Variants in GAREM1 observed in about 807,000 individuals in gnomAD.
GAREM1 encodes GRB2-associated and regulator of MAPK protein 1.
A neutral mutation model predicts 71.3 loss-of-function variants in GAREM1; 26 were observed. The ratio of observed to expected loss-of-function variants is 0.36; its 90% CI spans 0.27 to 0.51. GAREM1 has a LOEUF of 0.51. Among genes scored for constraint, GAREM1 ranks in the 20% least tolerant of loss-of-function variants. GAREM1 has a pLI of 0.95. For missense variants in GAREM1, 1,026 were observed against 1,103.1 expected (o/e 0.93, Z 0.99); for synonymous variants, 440 against 433.2 (o/e 1.02, Z -0.20).
chr18:32,366,237 C>T (rs147718498), intron 2 of GAREM1, among the ~76,000 whole-genome samples: 1 of 152,238 alleles, frequency 6.6e-6, no homozygotes, highest in African/African-American at 2.4e-5. Context: ...CTAAACAGTC[C>T]CATAGCACCT....
At chr18:32,385,207 T>G (rs1241430295) in intron 2 of GAREM1, among the ~76,000 whole-genome samples, 1 of 152,080 alleles carries the variant, frequency 6.6e-6, no homozygotes, top group Admixed American at 6.5e-5. Flanking sequence ...AAAATTTTTA[T>G]ATTTACTTTG....
At chr18:32,296,240 C>T (rs1454329409) in intron 3 of GAREM1, among the ~76,000 whole-genome samples, 4 of 152,132 alleles carry the variant, frequency 2.6e-5, no homozygotes, top group Non-Finnish European at 4.4e-5. Flanking sequence ...GGATTACAGG[C>T]GTGAGCCACC....
At chr18:32,358,537 T>C (rs2047828760) in intron 2 of GAREM1, among the ~76,000 whole-genome samples, 1 of 152,184 alleles carries the variant, frequency 6.6e-6, no homozygotes, top group African/African-American at 2.4e-5. Flanking sequence ...TATTCTTTCC[T>C]GTGAAAACCA....
intron 1 of GAREM1, among the ~76,000 whole-genome samples, chr18:32,400,975 C>T (rs1445243166): frequency 1.3e-5 from 2 of 152,068 alleles, no homozygotes; most frequent in African/African-American, 2.4e-5. Context: ...ACATATACAC[C>T]ATGGAATACT....
At position 32,402,629 on chromosome 18, in the gene GAREM1, CCT is replaced by C. The variant is rs879627741; in HGVS notation, c.122-9596_122-9595del. Among the ~76,000 whole-genome samples the C allele has an allele frequency of 3.9e-5, 6 of 152,186 alleles. No homozygotes were observed. The East Asian group carries it at 7.8e-4, about 20-fold the overall frequency. Reference sequence around the variant, plus strand: ...GAGGCTCCACCCTTAGCCTGTTCCCCCTGTCTCCTCTACAATCTTATATATTT... The same window carrying C: ...GAGGCTCCACCCTTAGCCTGTTCCCCGTCTCCTCTACAATCTTATATATTT... On this transcript the variant is annotated intron_variant, in intron 1 of 5. Coordinates refer to ENST00000269209, the MANE Select transcript of GAREM1 (RefSeq NM_001242409.2).
intron 2 of GAREM1, among the ~76,000 whole-genome samples, chr18:32,373,010 T>C (rs1044618711): frequency 6.6e-6 from 1 of 152,230 alleles, no homozygotes; most frequent in East Asian, 1.9e-4. Context: ...GAAGTTATCC[T>C]GGCAGACATC....
At chr18:32,460,929 GC>G (rs1442985987) in intron 1 of GAREM1, among the ~76,000 whole-genome samples, 1 of 152,070 alleles carries the variant, frequency 6.6e-6, no homozygotes, top group Non-Finnish European at 1.5e-5. Context: ...AAAAGAACTA[GC>G]AAAAAGGTGA....
rs541091716 is a variant in GAREM1, at chr18:32,335,590, T to G, written c.263-25267A>C. On this transcript the variant is annotated intron_variant, in intron 2 of 5. Coordinates refer to ENST00000269209, the MANE Select transcript of GAREM1 (RefSeq NM_001242409.2). ...AGAGCAATGCAATTACTATGTTCAA[T>G]TACCTCAGGACTCCTTCAATACCCA... 4.1e-4 allele frequency among the ~76,000 whole-genome samples: 62 copies of G among 152,322 alleles called. 1 individual carries two copies. Among genetic ancestry groups the G allele is most frequent in the Non-Finnish European group, 7.8e-4 (53 of 68,034 alleles).
rs1381207798 is a variant in GAREM1, at chr18:32,459,937, T to C, written c.121+10371A>G. ...TTTCTTTAATGGATGACAGACTCTG[T>C]TATAACGAGTGCTTTCTAATTACCT... On this transcript the variant is annotated intron_variant, in intron 1 of 5. Transcript: ENST00000269209. 9.2e-5 allele frequency among the ~76,000 whole-genome samples: 14 copies of C among 152,112 alleles called. No homozygotes were observed. The East Asian group carries it at 2.5e-3, about 27-fold the overall frequency.
intron 1 of GAREM1, among the ~76,000 whole-genome samples, chr18:32,469,384 C>A (rs146031377): frequency 6.6e-6 from 1 of 152,182 alleles, no homozygotes; most frequent in Non-Finnish European, 1.5e-5. Context: ...CACAGCAGGG[C>A]AGGCTTCTTT....
At chr18:32,415,779 G>A (rs2048460459) in intron 1 of GAREM1, among the ~76,000 whole-genome samples, 1 of 152,000 alleles carries the variant, frequency 6.6e-6, no homozygotes. Flanking sequence ...CTGAATGGGG[G>A]AAAACTGAAA....
intron 2 of GAREM1, among the ~76,000 whole-genome samples, chr18:32,383,993 T>G (rs1211952871): frequency 6.6e-6 from 1 of 152,196 alleles, no homozygotes; most frequent in African/African-American, 2.4e-5. Flanking sequence ...ACCAAATAAT[T>G]CTGCAATGTA....
intron 1 of GAREM1, among the ~76,000 whole-genome samples, chr18:32,465,004 T>C (rs1273732326): frequency 2.0e-5 from 3 of 152,152 alleles, no homozygotes; most frequent in Non-Finnish European, 4.4e-5. Context: ...CTAGTTTTCC[T>C]ACACGGGAAA....
In GAREM1 at chr18:32,451,576, T is replaced by C. The variant is rs114863252; in HGVS notation, c.121+18732A>G. Among the ~76,000 whole-genome samples the C allele has an allele frequency of 6.2e-3, 946 of 152,304 alleles. 11 individuals are homozygous for C. The highest frequency in any genetic ancestry group is 0.021 in the African/African-American group (883 of 41,568). ...ATCCTGGAAATCTTACCTTATAATA[T>C]TTCCCACTCACCCTGCTCCACTACA... On this transcript the variant is annotated intron_variant, in intron 1 of 5. Coordinates refer to ENST00000269209, the MANE Select transcript of GAREM1 (RefSeq NM_001242409.2).
rs185379173 is a variant in GAREM1, at chr18:32,391,595, C to T, written c.262+1300G>A. Among the ~76,000 whole-genome samples the T allele has an allele frequency of 2.7e-3, 417 of 152,210 alleles. 3 individuals are homozygous for T. The highest frequency in any genetic ancestry group is 3.4e-3 in the Non-Finnish European group (229 of 67,978). ...AAGACAGAAACAGAATTTGGACTTG[C>T]TAAAAGTAGCATGTATCTCACTACT... On this transcript the variant is annotated intron_variant, in intron 2 of 5. Transcript: ENST00000269209.
At chr18:32,456,785 T>C (rs930337152) in intron 1 of GAREM1, among the ~76,000 whole-genome samples, 1 of 152,020 alleles carries the variant, frequency 6.6e-6, no homozygotes, top group Non-Finnish European at 1.5e-5. Flanking sequence ...CAGAGGCCAA[T>C]AAAAGGAAAC....
chr18:32,373,233 A>G (rs979844035), intron 2 of GAREM1, among the ~76,000 whole-genome samples: 1 of 152,172 alleles, frequency 6.6e-6, no homozygotes, highest in African/African-American at 2.4e-5. Context: ...AGAGAATCCT[A>G]CTTCTTGTTT....
At chr18:32,388,948 CT>C (rs2048171763) in intron 2 of GAREM1, among the ~76,000 whole-genome samples, 1 of 152,048 alleles carries the variant, frequency 6.6e-6, no homozygotes, top group South Asian at 2.1e-4. Flanking sequence ...AGAGGATATC[CT>C]TGTTCTTAGG....
chr18:32,315,516 T>A (rs894351830), intron 2 of GAREM1, among the ~76,000 whole-genome samples: 1 of 147,352 alleles, frequency 6.8e-6, no homozygotes, highest in Non-Finnish European at 1.5e-5. Flanking sequence ...TAGATATATA[T>A]AAAAATATAT....
Sources: allele counts gnomAD v4.1 joint callset (sites outside exome capture counted in the v4.1 genomes callset), GRCh38; gene constraint gnomAD v4.1.1; transcripts MANE v1.5; gene names NCBI Gene and HGNC (gene_info 2026-07-23, HGNC 2026-07-21).